Variants in CSMD1 observed in about 807,000 individuals in gnomAD.
The protein encoded by CSMD1 is CUB and Sushi multiple domains 1.
Under a neutral mutation model 417.5 loss-of-function variants are expected in CSMD1, and 213 were observed. The observed-to-expected ratio is 0.51, with a 90% CI of 0.46 to 0.57. The LOEUF (loss-of-function observed/expected upper bound fraction) is 0.57. CSMD1 is among the 20% of genes least tolerant of loss of function. CSMD1 has a pLI of 0.00. For missense variants in CSMD1, 6,923 were observed against 4,529.7 expected, an observed-to-expected ratio of 1.53 and a Z score of -15.17; for synonymous variants, 2,862 against 1,736.8, an observed-to-expected ratio of 1.65 and a Z score of -16.11.
At chr8:4,088,581 A>G (rs1381549860) in intron 3 of CSMD1, among the ~76,000 whole-genome samples, 3 of 152,074 alleles carry the variant, frequency 2.0e-5, no homozygotes, top group Admixed American at 1.3e-4. Flanking sequence ...TCCTGAGACT[A>G]TACCTCCCAC....
chr8:4,237,517 T>C (rs1802139179), intron 3 of CSMD1, among the ~76,000 whole-genome samples: 1 of 146,536 alleles, frequency 6.8e-6, no homozygotes, highest in Admixed American at 7.3e-5. Context: ...CATGATGCTA[T>C]ACTGCAGTCA....
At chr8:3,376,782 A>G (rs1047556079) in intron 18 of CSMD1, among the ~76,000 whole-genome samples, 14 of 119,420 alleles carry the variant, frequency 1.2e-4, no homozygotes, top group Admixed American at 2.7e-4. Flanking sequence ...TTGATATACA[A>G]TATTATAATT....
intron 10 of CSMD1, among the ~76,000 whole-genome samples, chr8:3,568,418 G>C (rs1011039038): frequency 6.6e-6 from 1 of 151,952 alleles, no homozygotes; most frequent in African/African-American, 2.4e-5. Flanking sequence ...TGGAAACAAA[G>C]AAAAAGAAAA....
In CSMD1 at chr8:3,406,118, A is replaced by G; in HGVS notation, c.2175T>C (p.Asp725=). 2.5e-6 allele frequency: 4 copies of G among 1,613,978 alleles called. No individual in the cohort carries two copies. Among genetic ancestry groups the G allele is most frequent in the Non-Finnish European group, 3.4e-6 (4 of 1,179,882 alleles). Reference sequence around the variant, plus strand: ...CGGATCCCTGGGTCTTGACAAAGCCATCATCACAGTGGAAAGAAACCGAGC... The same window carrying G: ...CGGATCCCTGGGTCTTGACAAAGCCGTCATCACAGTGGAAAGAAACCGAGC... ...LGSSVSFHCD[D]GFVKTQGSES... The change falls in exon 15 of 70, where the codon GAT becomes GAC. Residue 725 remains aspartate, a synonymous_variant. Coordinates refer to ENST00000635120, the MANE Select transcript of CSMD1 (RefSeq NM_033225.6).
intron 5 of CSMD1, among the ~76,000 whole-genome samples, chr8:3,899,317 G>T (rs1317149513): frequency 2.6e-5 from 4 of 152,204 alleles, no homozygotes; most frequent in Non-Finnish European, 5.9e-5. Context: ...TGCAAAAGAG[G>T]TGCTACTTCA....
chr8:3,298,671 C>G (rs936107207), intron 25 of CSMD1, among the ~76,000 whole-genome samples: 1 of 152,170 alleles, frequency 6.6e-6, no homozygotes, highest in Non-Finnish European at 1.5e-5. Flanking sequence ...TCAGGTTGGT[C>G]TTGAACTCCT....
intron 2 of CSMD1, among the ~76,000 whole-genome samples, chr8:4,505,974 T>C (rs1802504829): frequency 6.6e-6 from 1 of 151,976 alleles, no homozygotes; most frequent in Non-Finnish European, 1.5e-5. Context: ...AATTTTTGTA[T>C]TTTAGTGGAG....
intron 1 of CSMD1, among the ~76,000 whole-genome samples, chr8:4,916,347 T>C (rs1007173683): frequency 6.6e-6 from 1 of 152,230 alleles, no homozygotes; most frequent in Non-Finnish European, 1.5e-5. Context: ...CTTTTAAATA[T>C]GGCAAAACCC....
At position 4,425,036 on chromosome 8, in the gene CSMD1, C is replaced by T. The variant is rs114358825; in HGVS notation, c.303-4971G>A. ...CATTAAATTCTAAAAGTAAGTTGAA[C>T]AAAAACTATTGAGGATAATTTAGTA... is the stretch of plus-strand genomic sequence containing the variant. On this transcript the variant is annotated intron_variant, in intron 2 of 69. Coordinates refer to ENST00000635120, the MANE Select transcript of CSMD1 (RefSeq NM_033225.6). Among the ~76,000 whole-genome samples the T allele has an allele frequency of 5.4e-3, 820 of 151,980 alleles. 3 individuals carry two copies. The highest frequency in any genetic ancestry group is 0.018 in the African/African-American group (764 of 41,482).
intron 1 of CSMD1, among the ~76,000 whole-genome samples, chr8:4,944,683 A>G (rs1430034937): frequency 1.3e-5 from 2 of 152,226 alleles, no homozygotes; most frequent in Non-Finnish European, 2.9e-5. Flanking sequence ...GAATGCAAAT[A>G]TCATCACCTC....
intron 17 of CSMD1, among the ~76,000 whole-genome samples, chr8:3,391,070 T>C (rs566672496): frequency 1.7e-4 from 26 of 152,190 alleles, no homozygotes; most frequent in Non-Finnish European, 3.4e-4. Flanking sequence ...AGTGTTAGCA[T>C]GCATGGGCAT....
At chr8:3,445,500 A>ACCC in intron 12 of CSMD1, among the ~76,000 whole-genome samples, 1 of 152,196 alleles carries the variant, frequency 6.6e-6, no homozygotes, top group East Asian at 1.9e-4. Context: ...CCAAGCCTCT[A>ACCC]TAGCTGCAAT....
intron 3 of CSMD1, among the ~76,000 whole-genome samples, chr8:4,150,553 G>C (rs1042779609): frequency 4.6e-5 from 7 of 152,166 alleles, no homozygotes; most frequent in African/African-American, 1.4e-4. Flanking sequence ...GAATTAACAT[G>C]ACCCTGCTGA....
intron 3 of CSMD1, among the ~76,000 whole-genome samples, chr8:4,138,825 G>A (rs1325132619): frequency 2.6e-5 from 4 of 152,080 alleles, no homozygotes; most frequent in South Asian, 2.1e-4. Context: ...TGCCCCTGAG[G>A]CAAATTCTAT....
At chr8:4,461,523 A>G (rs978275709) in intron 2 of CSMD1, among the ~76,000 whole-genome samples, 4 of 147,786 alleles carry the variant, frequency 2.7e-5, no homozygotes, top group African/African-American at 5.0e-5. Context: ...TAGAAGATGA[A>G]TATGCAAAAA....
At chr8:3,962,466 T>C (rs1231912808) in intron 5 of CSMD1, among the ~76,000 whole-genome samples, 15 of 152,122 alleles carry the variant, frequency 9.9e-5, no homozygotes, top group Admixed American at 9.8e-4. Context: ...TGGATCTCCT[T>C]GGATGTCACC....
At chr8:3,137,980 T>C (rs60850439) in intron 41 of CSMD1, among the ~76,000 whole-genome samples, 24,129 of 152,140 alleles carry the variant, frequency 0.16, 2,387 homozygotes, top group East Asian at 0.4. Flanking sequence ...ATCCCAGCAC[T>C]TTGGGAGGAT....
chr8:3,118,476 A>C lies in CSMD1; in HGVS notation c.6353T>G (p.Ile2118Ser). 6.2e-7 allele frequency: 1 copy of C among 1,613,954 alleles called. No individual in the cohort carries two copies. The highest frequency in any genetic ancestry group is 1.1e-5 in the South Asian group (1 of 91,078). Residue 2118 changes from isoleucine (I) to serine (S), a missense_variant, in exon 42 of 70, where the codon ATT (isoleucine) becomes AGT (serine). Physicochemically the swap from Ile to Ser is moderately radical, Grantham distance 142. Transcript: ENST00000635120. The stretch of plus-strand genomic sequence containing the variant: ...AGTGAGGACAGGATGGCCTATTAGA[A>C]TGTACCCAGGATAACACTCGAAAGA... ...SVSFECYPGY[I>S]LIGHPVLTCQ...
At chr8:4,645,467 A>AAAAAAAG (rs1803461123) in intron 1 of CSMD1, among the ~76,000 whole-genome samples, 1 of 145,858 alleles carries the variant, frequency 6.9e-6, no homozygotes, top group African/African-American at 2.6e-5. Context: ...AAAAAAAAAA[A>AAAAAAAG]GGCAAGCAAA....
Sources: gnomAD v4.1 joint callset for allele counts (sites outside exome capture counted in the v4.1 genomes callset) on GRCh38, gnomAD v4.1.1 for gene constraint, MANE v1.5 for transcripts, NCBI Gene and HGNC (gene_info 2026-07-23, HGNC 2026-07-21) for gene names.